Variants in ATRNL1 observed in about 807,000 individuals in gnomAD.
The protein encoded by ATRNL1 is attractin-like protein 1.
ATRNL1 carries 95 observed loss-of-function variants against 182.7 expected under a neutral mutation model. The observed-to-expected ratio is 0.52, with a 90% CI of 0.44 to 0.62. The LOEUF (loss-of-function observed/expected upper bound fraction) is 0.62. Ranked by LOEUF, ATRNL1 falls within the 20% of genes least tolerant of loss-of-function variation. The probability of loss-of-function intolerance (pLI) is 0.00; values close to 1 mark genes in which losing one functional copy is unlikely to be tolerated. For synonymous variants in ATRNL1, 576 were observed against 568.3 expected, an observed-to-expected ratio of 1.01 and a Z score of -0.19; for missense variants, 1,471 against 1,679.5, an observed-to-expected ratio of 0.88 and a Z score of 2.17.
intron 27 of ATRNL1, among the ~76,000 whole-genome samples, chr10:115,801,476 G>T (rs1317043585): frequency 1.3e-5 from 2 of 152,120 alleles, no homozygotes; most frequent in Admixed American, 1.3e-4. Context: ...TAACCATTCT[G>T]CCCTTTATTT....
intron 19 of ATRNL1, among the ~76,000 whole-genome samples, chr10:115,349,642 G>A (rs1417515041): frequency 6.6e-6 from 1 of 152,066 alleles, no homozygotes; most frequent in East Asian, 1.9e-4. Flanking sequence ...GTTATATTCT[G>A]TCTTTTGGAT....
chr10:115,435,401 G>A (rs1554964656), intron 21 of ATRNL1, among the ~76,000 whole-genome samples: 2 of 152,058 alleles, frequency 1.3e-5, no homozygotes, highest in Non-Finnish European at 2.9e-5. Context: ...TTGCCCTTTG[G>A]CCTTCTGCCA....
intron 21 of ATRNL1, among the ~76,000 whole-genome samples, chr10:115,445,871 T>C (rs1274498007): frequency 2.8e-4 from 2 of 7,032 alleles, no homozygotes; most frequent in Non-Finnish European, 5.8e-4. Flanking sequence ...TTGTGACTGA[T>C]TTCTTTCATT....
chr10:115,238,548 T>G (rs1554902042), intron 9 of ATRNL1, among the ~76,000 whole-genome samples: 1 of 152,206 alleles, frequency 6.6e-6, no homozygotes, highest in Non-Finnish European at 1.5e-5. Flanking sequence ...ACTGCTGGTA[T>G]ATAAAAAATC....
chr10:115,119,746 AC>A (rs1282386700), intron 1 of ATRNL1, among the ~76,000 whole-genome samples: 2 of 152,110 alleles, frequency 1.3e-5, no homozygotes, highest in African/African-American at 4.8e-5. Context: ...CAATACCAGT[AC>A]ATGAAGAAAA....
intron 24 of ATRNL1, among the ~76,000 whole-genome samples, chr10:115,514,477 T>TA (rs35556455): frequency 0.44 from 66,469 of 151,252 alleles, 15,197 homozygotes; most frequent in Middle Eastern, 0.53. Context: ...TGGGCAGATG[T>TA]AAAAAAAATA....
At chr10:115,354,008 T>G (rs1189341626) in intron 19 of ATRNL1, among the ~76,000 whole-genome samples, 1 of 152,192 alleles carries the variant, frequency 6.6e-6, no homozygotes, top group Non-Finnish European at 1.5e-5. Flanking sequence ...AAAATGTAAG[T>G]GATTTACACA....
At chr10:115,722,084 T>C (rs1947445125) in intron 26 of ATRNL1, among the ~76,000 whole-genome samples, 1 of 152,190 alleles carries the variant, frequency 6.6e-6, no homozygotes, top group Admixed American at 6.5e-5. Flanking sequence ...TTAATACAAA[T>C]ATTGCAAAAA....
chr10:115,936,531 T>C (rs1953564781), intron 28 of ATRNL1, among the ~76,000 whole-genome samples: 1 of 152,210 alleles, frequency 6.6e-6, no homozygotes, highest in Non-Finnish European at 1.5e-5. Flanking sequence ...GACGGTGATT[T>C]CTTATTGGTA....
intron 25 of ATRNL1, among the ~76,000 whole-genome samples, chr10:115,535,496 G>A (rs1554989928): frequency 1.3e-5 from 2 of 150,034 alleles, no homozygotes; most frequent in East Asian, 1.9e-4. Flanking sequence ...GGTTATTCTA[G>A]TTATACATTA....
intron 26 of ATRNL1, among the ~76,000 whole-genome samples, chr10:115,692,287 A>G (rs924820056): frequency 1.3e-5 from 2 of 152,200 alleles, no homozygotes; most frequent in Non-Finnish European, 2.9e-5. Context: ...ATCTAATTGC[A>G]GACAGAACTA....
intron 28 of ATRNL1, among the ~76,000 whole-genome samples, chr10:115,933,333 T>G (rs183681784): frequency 5.3e-5 from 8 of 152,216 alleles, no homozygotes; most frequent in Admixed American, 2.0e-4. Context: ...AAACCATAGC[T>G]GGTACTACCA....
chr10:115,686,809 TA>T (rs1946232323), intron 26 of ATRNL1, among the ~76,000 whole-genome samples: 1 of 152,056 alleles, frequency 6.6e-6, no homozygotes, highest in Non-Finnish European at 1.5e-5. Context: ...CCTTGACTGC[TA>T]CATTTGGAGA....
intron 10 of ATRNL1, 123 bp from the exon 11 acceptor site, chr10:115,265,070 A>ATT (rs5788101): frequency 6.2e-6 from 3 of 480,596 alleles, no homozygotes; most frequent in South Asian, 3.6e-5. Flanking sequence ...ATTAATGAGA[A>ATT]TTTTTTTTTT....
At chr10:115,793,526 AC>A (rs5788112) in intron 27 of ATRNL1, among the ~76,000 whole-genome samples, 152,234 of 152,236 alleles carry the variant, frequency 1, 76,116 homozygotes, top group Middle Eastern at 1. Flanking sequence ...ATAACTTTGA[AC>A]GAAGCTGAAA....
At chr10:115,841,342 A>T (rs187444441) in intron 27 of ATRNL1, among the ~76,000 whole-genome samples, 3 of 152,240 alleles carry the variant, frequency 2.0e-5, no homozygotes, top group East Asian at 3.9e-4. Context: ...GTTAATCTAG[A>T]TAGTATACTA....
chr10:115,426,148 A>G, intron 20 of ATRNL1, 102 bp from the exon 21 acceptor site: 1 of 823,338 alleles, frequency 1.2e-6, no homozygotes, highest in South Asian at 1.9e-5. Context: ...ATAGTTTTAA[A>G]TATGTTTTGA....
At chr10:115,392,706 G>T (rs1229826661) in intron 19 of ATRNL1, among the ~76,000 whole-genome samples, 3 of 152,052 alleles carry the variant, frequency 2.0e-5, no homozygotes, top group African/African-American at 4.8e-5. Context: ...GTCTTTGGGG[G>T]CTCTTCTGAG....
chr10:115,673,744 A>T (rs1408525158), intron 26 of ATRNL1, among the ~76,000 whole-genome samples: 1 of 152,066 alleles, frequency 6.6e-6, no homozygotes, highest in South Asian at 2.1e-4. Context: ...CCTTCCCCAT[A>T]AACAGGTAGT....
Sources: gnomAD v4.1 joint callset for allele counts (sites outside exome capture counted in the v4.1 genomes callset) on GRCh38, gnomAD v4.1.1 for gene constraint, MANE v1.5 for transcripts, NCBI Gene and HGNC (gene_info 2026-07-23, HGNC 2026-07-21) for gene names.